The following AGPAT4 variants were observed in gnomAD, a reference collection of about 807,000 sequenced individuals.
AGPAT4 encodes 1-acyl-sn-glycerol-3-phosphate acyltransferase delta.
A neutral mutation model predicts 48.0 loss-of-function variants in AGPAT4; 15 were observed. That is an observed-to-expected ratio of 0.31 (90% CI 0.21 to 0.48). AGPAT4 has a LOEUF of 0.48. Ranked by LOEUF, AGPAT4 falls within the 20% of genes least tolerant of loss-of-function variation. AGPAT4 has a pLI of 0.99. For missense variants in AGPAT4, 314 were observed against 482.5 expected (o/e 0.65, Z 3.27); for synonymous variants, 178 against 198.7 (o/e 0.90, Z 0.88).
rs775358996 is a variant in AGPAT4, at chr6:161,130,913, G to A, written c.*5627C>T. Reference sequence around the variant, plus strand: ...AATGGCATTCCAAAATTCCATGGATGACTTTTCTGAATGTCCTAGAATGTT... The same window carrying A: ...AATGGCATTCCAAAATTCCATGGATAACTTTTCTGAATGTCCTAGAATGTT... On this transcript the variant is annotated 3_prime_UTR_variant, in exon 9 of 9. Transcript: ENST00000320285. 1 of 518,994 alleles carries A rather than the reference G, an allele frequency of 1.9e-6. No individual in the cohort carries two copies. Among genetic ancestry groups the A allele is most frequent in the South Asian group, 1.4e-5 (1 of 71,580 alleles). 32.1% of individuals were successfully genotyped at this position (518,994 alleles called of 1,614,324 possible). A position where few individuals can be genotyped will look rare whatever the true frequency, so the allele number is the denominator to read the frequency against.
At position 161,221,146 on chromosome 6, in the gene AGPAT4, G is replaced by A. The variant is rs899975893; in HGVS notation, c.178+10890C>T. ...TGAACATGGTGAGCAAGGAACACAT[G>A]GTGAAGGAAACGTGTGAGGCTTTCC... is the stretch of plus-strand genomic sequence containing the variant. On this transcript the variant is annotated intron_variant, in intron 2 of 8. Transcript: ENST00000320285. The surrounding 1 kb of genome is among the most constrained non-coding windows in gnomAD (Gnocchi z 4.5). Among the ~76,000 whole-genome samples, 1 of 152,144 alleles carries A rather than the reference G, an allele frequency of 6.6e-6. No homozygotes were observed. Among genetic ancestry groups the A allele is most frequent in the African/African-American group, 2.4e-5 (1 of 41,430 alleles).
At position 161,177,125 on chromosome 6, in the gene AGPAT4, G is replaced by T. The variant is rs181867190; in HGVS notation, c.179-10708C>A. On this transcript the variant is annotated intron_variant, in intron 2 of 8. Transcript: ENST00000320285. This position sits in a 1 kb window ranked among gnomAD's most constrained non-coding sequence, Gnocchi z 5.0. ...GAATCTGACAATTATGTGTCTTAGA[G>T]TTGCTCTTCTCGAGGAGTATCTTTG... Among the ~76,000 whole-genome samples the T allele has an allele frequency of 6.6e-5, 10 of 152,236 alleles. No homozygotes were observed. The East Asian group carries it at 1.9e-3, about 29-fold the overall frequency.
chr6:161,187,196 C>CT (rs1346906625), intron 2 of AGPAT4, among the ~76,000 whole-genome samples: 21 of 152,230 alleles, frequency 1.4e-4, no homozygotes, highest in Admixed American at 1.4e-3. Flanking sequence ...TGGTGGTCAC[C>CT]TTTTTCCCGG....
Position 161,251,738 on chromosome 6 carries a change from A to C in AGPAT4, c.-89-19436T>G, listed in dbSNP as rs1014925925. 6.6e-6 allele frequency among the ~76,000 whole-genome samples: 1 copy of C among 152,194 alleles called. No individual in the cohort carries two copies. Among genetic ancestry groups the C allele is most frequent in the African/African-American group, 2.4e-5 (1 of 41,448 alleles). On this transcript the variant is annotated intron_variant, in intron 1 of 8. Transcript: ENST00000320285. This position sits in a 1 kb window ranked among gnomAD's most constrained non-coding sequence, Gnocchi z 4.6. ...TTCCCGGGCCTTACGTTTCCCATTC[A>C]AACATGGGAGACGTGCTCTTGATAC...
In AGPAT4 at chr6:161,146,801, G is replaced by A. The variant is rs530701071; in HGVS notation, c.768-202C>T. Among the ~76,000 whole-genome samples the A allele has an allele frequency of 1.8e-4, 27 of 152,226 alleles. No homozygotes were observed. Among genetic ancestry groups the A allele is most frequent in the Admixed American group, 1.4e-3 (22 of 15,282 alleles). ...AGGCAAAAATGCAATTATGACCCACGAAGGAACAACCCAGGGGCCAATTCA... is the reference window on the plus strand; with the variant it reads ...AGGCAAAAATGCAATTATGACCCACAAAGGAACAACCCAGGGGCCAATTCA... On this transcript the variant is annotated intron_variant, in intron 6 of 8. Transcript: ENST00000320285. The surrounding 1 kb of genome is among the most constrained non-coding windows in gnomAD (Gnocchi z 7.1).
At position 161,266,516 on chromosome 6, in the gene AGPAT4, A is replaced by G. The variant is rs1305544773; in HGVS notation, c.-90+7422T>C. Among the ~76,000 whole-genome samples the G allele has an allele frequency of 5.3e-5, 8 of 152,152 alleles. No individual in the cohort carries two copies. Among genetic ancestry groups the G allele is most frequent in the African/African-American group, 1.9e-4 (8 of 41,432 alleles). ...AGAGTGACTGTTTTATGAAGGGTGA[A>G]TGGGGTGATGGGAGAGCGTCAGGAA... On this transcript the variant is annotated intron_variant, in intron 1 of 8. Coordinates refer to ENST00000320285, the MANE Select transcript of AGPAT4 (RefSeq NM_020133.3). This position sits in a 1 kb window ranked among gnomAD's most constrained non-coding sequence, Gnocchi z 6.2.
chr6:161,170,090 C>A (rs1780219640), intron 2 of AGPAT4, among the ~76,000 whole-genome samples: 1 of 152,194 alleles, frequency 6.6e-6, no homozygotes, highest in East Asian at 1.9e-4. Context: ...TGCAAAAGAA[C>A]TGATGCAAGT....
In AGPAT4 at chr6:161,249,545, G is replaced by T. The variant is rs941589997; in HGVS notation, c.-89-17243C>A. Among the ~76,000 whole-genome samples, 1 of 152,004 alleles carries T rather than the reference G, an allele frequency of 6.6e-6. No individual in the cohort carries two copies. Among genetic ancestry groups the T allele is most frequent in the Admixed American group, 6.6e-5 (1 of 15,250 alleles). ...TTTTCAGAAGACATACATGAGGCCA[G>T]CAAACACATGAAAAAAAGCTCAACA... On this transcript the variant is annotated intron_variant, in intron 1 of 8. Coordinates refer to ENST00000320285, the MANE Select transcript of AGPAT4 (RefSeq NM_020133.3). This position sits in a 1 kb window ranked among gnomAD's most constrained non-coding sequence, Gnocchi z 6.2.
rs115545633 is a variant in AGPAT4 at position 161,232,156 on chromosome 6, C to T, written c.58G>A (p.Val20Ile). 7.4e-6 allele frequency: 12 copies of T among 1,614,004 alleles called. No individual in the cohort carries two copies. In the East Asian group the frequency reaches 8.9e-5, roughly 12 times the overall value. ...ATGATTAGCCCTGAGGCAATAAAGA[C>T]GTAGCAGAAGACCAGGTGGCACAGG... is the stretch of plus-strand genomic sequence containing the variant. The part of the protein sequence containing the change: ...QFLCHLVFCY[V>I]FIASGLIINT... Residue 20 changes from valine to isoleucine, a missense_variant, in exon 2 of 9, where the codon GTC becomes ATC. Val to Ile is a conservative substitution (Grantham distance 29, BLOSUM62 3). Transcript: ENST00000320285. The surrounding 1 kb of genome is among the most constrained non-coding windows in gnomAD (Gnocchi z 6.8).
rs374008873 is a variant in AGPAT4 at position 161,174,815 on chromosome 6, C to T, written c.179-8398G>A. 5.3e-5 allele frequency among the ~76,000 whole-genome samples: 8 copies of T among 152,278 alleles called. No homozygotes were observed. In the South Asian group the frequency reaches 8.3e-4, roughly 16 times the overall value. On this transcript the variant is annotated intron_variant, in intron 2 of 8. Transcript: ENST00000320285. The stretch of plus-strand genomic sequence containing the variant: ...AAATAGCTCTTATGATTTTGAGATA[C>T]GTCCCATCAATACCTAGTTTATTGA...
At position 161,154,740 on chromosome 6, in the gene AGPAT4, T is replaced by C. The variant is rs753568538; in HGVS notation, c.349-430A>G. On this transcript the variant is annotated intron_variant, in intron 3 of 8. Coordinates refer to ENST00000320285, the MANE Select transcript of AGPAT4 (RefSeq NM_020133.3). The surrounding 1 kb of genome is among the most constrained non-coding windows in gnomAD (Gnocchi z 7.8). ...GCAGATCTCACTGAGTTTTGTGATA[T>C]TACAAAATATAGTAATTCTTGATCG... Among the ~76,000 whole-genome samples the C allele has an allele frequency of 1.4e-4, 21 of 152,230 alleles. No homozygotes were observed. The highest frequency in any genetic ancestry group is 2.5e-4 in the Non-Finnish European group (17 of 68,044).
Position 161,136,547 on chromosome 6 carries a change from T to G in AGPAT4, c.1130A>C (p.Asn377Thr), listed in dbSNP as rs1583269855. 7.4e-6 allele frequency: 12 copies of G among 1,614,090 alleles called. No individual in the cohort carries two copies. In the East Asian group the frequency reaches 2.7e-4, roughly 36 times the overall value. ...TGGTGACACCTCCCTGAGTCAGTCA[T>G]TCAGTTTCTGCTTGCTGTCAGAGTT... Reference protein sequence around the residue: ...YGNSDSKQKLND With the variant: ...YGNSDSKQKLTD The change falls in exon 9 of 9, where the codon AAT becomes ACT. Residue 377 changes from asparagine (N) to threonine (T), a missense_variant. Transcript: ENST00000320285.
In AGPAT4 at chr6:161,193,456, C is replaced by T. The variant is rs576107689; in HGVS notation, c.179-27039G>A. The stretch of plus-strand genomic sequence containing the variant: ...CATGGTTGGAGATTTCCAGAGCATC[C>T]GGGGGATCTGAATACACGCTGCAAA... On this transcript the variant is annotated intron_variant, in intron 2 of 8. Coordinates refer to ENST00000320285, the MANE Select transcript of AGPAT4 (RefSeq NM_020133.3). Among the ~76,000 whole-genome samples the T allele has an allele frequency of 1.4e-4, 22 of 152,298 alleles. No homozygotes were observed. The East Asian group carries it at 3.5e-3, about 24-fold the overall frequency.
In AGPAT4 at chr6:161,139,138, T is replaced by C. The variant is rs765585580; in HGVS notation, c.1042+284A>G. ...AGGACAGGGAGGGAGCACTCCCAGC[T>C]GTCGGGGAGTGAAGTGGCAGCTGCA... On this transcript the variant is annotated intron_variant, in intron 8 of 8. Coordinates refer to ENST00000320285, the MANE Select transcript of AGPAT4 (RefSeq NM_020133.3). The surrounding 1 kb of genome is among the most constrained non-coding windows in gnomAD (Gnocchi z 9.1). 1.4e-4 allele frequency among the ~76,000 whole-genome samples: 22 copies of C among 152,168 alleles called. No individual in the cohort carries two copies. Among genetic ancestry groups the C allele is most frequent in the Non-Finnish European group, 2.6e-4 (18 of 68,032 alleles).
chr6:161,139,503 G>A lies in AGPAT4; in HGVS notation c.961C>T (p.Pro321Ser), dbSNP rs746899044. 1 of 1,614,108 alleles carries A rather than the reference G, an allele frequency of 6.2e-7. No homozygotes were observed. Among genetic ancestry groups the A allele is most frequent in the Non-Finnish European group, 8.5e-7 (1 of 1,180,026 alleles). The change falls in exon 8 of 9, where the codon CCT becomes TCT. Residue 321 changes from proline to serine, a missense_variant. Physicochemically the swap from Pro to Ser is moderately conservative, Grantham distance 74 (BLOSUM62 -1). Transcript: ENST00000320285. The surrounding 1 kb of genome is among the most constrained non-coding windows in gnomAD (Gnocchi z 9.1). ...WLFWASLVLY[P>S]FFQFLVSMIR... ...ATGCTGACCAGGAACTGGAAGAAAG[G>A]GTAGAGCACCAGCGAGGCCCAAAAC...
rs553548027 is a variant in AGPAT4 at position 161,244,160 on chromosome 6, A to C, written c.-89-11858T>G. The stretch of plus-strand genomic sequence containing the variant: ...AATGTACCTGTGTTTTCCTGATCTC[A>C]AACAGACATACAGCGAGGAGCTGAC... On this transcript the variant is annotated intron_variant, in intron 1 of 8. Coordinates refer to ENST00000320285, the MANE Select transcript of AGPAT4 (RefSeq NM_020133.3). The surrounding 1 kb of genome is among the most constrained non-coding windows in gnomAD (Gnocchi z 4.7). Among the ~76,000 whole-genome samples the C allele has an allele frequency of 1.3e-4, 20 of 152,336 alleles. No individual in the cohort carries two copies. The highest frequency in any genetic ancestry group is 4.8e-4 in the African/African-American group (20 of 41,566).
At chr6:161,210,070 T>G (rs947809645) in intron 2 of AGPAT4, among the ~76,000 whole-genome samples, 1 of 152,194 alleles carries the variant, frequency 6.6e-6, no homozygotes, top group African/African-American at 2.4e-5. Context: ...TCTAACCTCA[T>G]AATAATTCTC....
At position 161,233,208 on chromosome 6, in the gene AGPAT4, CTCACAG is replaced by C. The variant is rs565265952; in HGVS notation, c.-89-912_-89-907del. ...AACTCAACACATACATACAGTTAGA[CTCACAG>C]TCCTGTAATCAGTCTCCAGCTCAAA... On this transcript the variant is annotated intron_variant, in intron 1 of 8. Coordinates refer to ENST00000320285, the MANE Select transcript of AGPAT4 (RefSeq NM_020133.3). This position sits in a 1 kb window ranked among gnomAD's most constrained non-coding sequence, Gnocchi z 5.4. Among the ~76,000 whole-genome samples the C allele has an allele frequency of 1.3e-5, 2 of 152,102 alleles. No individual in the cohort carries two copies. The highest frequency in any genetic ancestry group is 2.9e-5 in the Non-Finnish European group (2 of 68,032).
chr6:161,240,289 G>A lies in AGPAT4; in HGVS notation c.-89-7987C>T, dbSNP rs962267487. On this transcript the variant is annotated intron_variant, in intron 1 of 8. Transcript: ENST00000320285. The surrounding 1 kb of genome is among the most constrained non-coding windows in gnomAD (Gnocchi z 5.5). ...ACACTTAAACAAGTCTGTCCACCTG[G>A]AAGCCTGGGCTGGGTTCAAGACTAC... Among the ~76,000 whole-genome samples, 2 of 150,686 alleles carry A rather than the reference G, an allele frequency of 1.3e-5. No homozygotes were observed. Among genetic ancestry groups the A allele is most frequent in the East Asian group, 3.9e-4 (2 of 5,114 alleles).
Sources: gnomAD v4.1 joint callset for allele counts (sites outside exome capture counted in the v4.1 genomes callset) on GRCh38, gnomAD v4.1.1 for gene constraint, Gnocchi (gnomAD v3.1) non-coding constraint, MANE v1.5 for transcripts, NCBI Gene and HGNC (gene_info 2026-07-23, HGNC 2026-07-21) for gene names.